Variants in PMS2 observed in about 807,000 individuals in gnomAD.
PMS2 encodes mismatch repair endonuclease PMS2.
PMS2 carries 69 observed loss-of-function variants against 90.0 expected under a neutral mutation model. That is an observed-to-expected ratio of 0.77 (90% CI 0.63 to 0.94). The LOEUF (loss-of-function observed/expected upper bound fraction) is 0.94. Ranked by LOEUF, PMS2 falls within the 40% of genes least tolerant of loss-of-function variation. The pLI, the probability that PMS2 is intolerant of heterozygous loss-of-function variation, is 0.00. For missense variants in PMS2, 966 were observed against 1,040.2 expected (o/e 0.93, Z 0.98); for synonymous variants, 332 against 375.1 (o/e 0.89, Z 1.33).
rs786201047 is a variant in PMS2 at position 5,995,628 on chromosome 7, G to C, written c.809C>G (p.Ser270Ter). ...ATGCGTGCATTGTGAAATGAAACCT[G>C]AGATGCTATTCAACATTAATATGGT... ...SDALHNLFYI[S>*]GFISQCTHGV... is the part of the protein sequence containing the mutation. Residue 270 changes from serine (S) to a stop codon, truncating the protein, a stop_gained, in exon 8 of 15, where the codon TCA becomes TGA. Transcript: ENST00000265849. LOFTEE classifies it high-confidence loss of function. 1.4e-5 allele frequency: 22 copies of C among 1,606,082 alleles called. No individual in the cohort carries two copies. Among genetic ancestry groups the C allele is most frequent in the Non-Finnish European group, 1.8e-5 (21 of 1,172,760 alleles).
chr7:5,986,237 G>A (rs1218702179), intron 11 of PMS2, among the ~76,000 whole-genome samples: 15 of 149,812 alleles, frequency 1.0e-4, no homozygotes, highest in South Asian at 4.2e-4. Context: ...GCGCACTACC[G>A]CGCCCAGCCA....
intron 9 of PMS2, 48 bp downstream of exon 9, chr7:5,991,925 C>G: frequency 1.1e-6 from 1 of 870,434 alleles, no homozygotes. Flanking sequence ...TCATTTTATT[C>G]TTTGAGGCAT....
At position 5,987,203 on chromosome 7, in the gene PMS2, G is replaced by C. The variant is rs2128727952; in HGVS notation, c.1562C>G (p.Ala521Gly). Residue 521 changes from alanine to glycine, a missense_variant, in exon 11 of 15, where the codon GCC becomes GGC. Ala to Gly is a moderately conservative substitution (Grantham distance 60). Around this residue, in one of 2 missense-constraint regions of PMS2, gnomAD observed 871 missense variants for 802.4 expected, o/e 1.09. Transcript: ENST00000265849. Reference protein sequence around the residue: ...TGSHCSSEYAASSPGDRGSQE... With the variant: ...TGSHCSSEYAGSSPGDRGSQE... ...CGAGCCCCTGTCCCCTGGGGAGCTG[G>C]CCGCATACTCGCTGCTGCAGTGACT... 1 of 1,614,072 alleles carries C rather than the reference G, an allele frequency of 6.2e-7. No individual in the cohort carries two copies. The highest frequency in any genetic ancestry group is 2.2e-5 in the East Asian group (1 of 44,878).
chr7:5,987,466 C>T lies in PMS2; in HGVS notation c.1299G>A (p.Lys433=), dbSNP rs760727820. ...AFSLRHTTEN[K]PHSPKTPEPR... is the part of the protein sequence containing the mutation. Reference sequence around the variant, plus strand: ...GTTCTGGAGTCTTTGGGCTGTGAGGCTTGTTCTCTGTTGTGTGACGAAGAG... The same window carrying T: ...GTTCTGGAGTCTTTGGGCTGTGAGGTTTGTTCTCTGTTGTGTGACGAAGAG... Residue 433 remains lysine (K), a synonymous_variant, in exon 11 of 15, where the codon AAG becomes AAA. Coordinates refer to ENST00000265849, the MANE Select transcript of PMS2 (RefSeq NM_000535.7). 2.5e-6 allele frequency: 4 copies of T among 1,614,134 alleles called. No homozygotes were observed. In the South Asian group the frequency reaches 3.3e-5, roughly 13 times the overall value.
chr7:5,998,520 C>A (rs572090086), intron 6 of PMS2, among the ~76,000 whole-genome samples: 5 of 148,982 alleles, frequency 3.4e-5, no homozygotes, highest in Admixed American at 6.7e-5. Flanking sequence ...AGATGAAACC[C>A]CATCTCTACT....
At chr7:6,004,217 C>G in intron 2 of PMS2, 159 bp from the exon 3 acceptor site, 1 of 587,340 alleles carries the variant, frequency 1.7e-6, no homozygotes. Flanking sequence ...TTATAAAGTC[C>G]TTTCTGGCTA....
chr7:6,003,982 G>A lies in PMS2; in HGVS notation c.240C>T (p.Phe80=), dbSNP rs143162541. 1.0e-4 allele frequency: 160 copies of A among 1,595,130 alleles called. No individual in the cohort carries two copies. Among genetic ancestry groups the A allele is most frequent in the Non-Finnish European group, 1.2e-4 (145 of 1,164,786 alleles). ...AAAAAGTCAACTTACTTAAGCCTTC[G>A]AAGTTTTCTTCTTCTACCCCACATC... ...DNGCGVEEEN[F]EGLTLKHHTS... The change falls in exon 3 of 15, where the codon TTC becomes TTT. Residue 80 remains phenylalanine (F), a synonymous_variant. Transcript: ENST00000265849.
intron 8 of PMS2, 117 bp from the exon 9 acceptor site, chr7:5,992,174 T>G (rs1239605257): frequency 1.4e-5 from 3 of 209,092 alleles, no homozygotes; most frequent in Non-Finnish European, 9.6e-6. Context: ...TACTTTTTTG[T>G]TTTTTTTTTT....
chr7:5,988,886 C>T (rs1160565206), intron 10 of PMS2, among the ~76,000 whole-genome samples: 1 of 152,012 alleles, frequency 6.6e-6, no homozygotes, highest in Non-Finnish European at 1.5e-5. Flanking sequence ...GACGGAGTCT[C>T]GCTTTGTCAC....
intron 8 of PMS2, among the ~76,000 whole-genome samples, chr7:5,994,515 T>C (rs1366423919): frequency 6.6e-6 from 1 of 152,136 alleles, no homozygotes; most frequent in Non-Finnish European, 1.5e-5. Flanking sequence ...GGCTCACACC[T>C]GTAATTCCAG....
At chr7:5,985,264 A>ATTT (rs142453627) in intron 11 of PMS2, among the ~76,000 whole-genome samples, 11 of 116,792 alleles carry the variant, frequency 9.4e-5, no homozygotes, top group African/African-American at 2.7e-4. Context: ...TACTTAGCTA[A>ATTT]TTTTTTTTTT....
chr7:5,997,234 C>T (rs1009727505), intron 7 of PMS2, 92 bp downstream of exon 7: 25 of 713,992 alleles, frequency 3.5e-5, no homozygotes, highest in Admixed American at 1.8e-4. Flanking sequence ...AAAAAAGACA[C>T]GAAACTATTA....
chr7:6,002,087 T>C (rs1785147621), intron 5 of PMS2: 1 of 246,872 alleles, frequency 4.1e-6, no homozygotes, highest in African/African-American at 2.3e-5. Flanking sequence ...TTAAGTGCAG[T>C]GGCGCAATCA....
chr7:6,007,484 A>T (rs970135953), intron 1 of PMS2, among the ~76,000 whole-genome samples: 8 of 152,202 alleles, frequency 5.3e-5, no homozygotes, highest in African/African-American at 1.9e-4. Flanking sequence ...GTGTATAAGC[A>T]GGTCTCTGTC....
intron 12 of PMS2, among the ~76,000 whole-genome samples, chr7:5,979,201 C>CAAAAA (rs60152367): frequency 1.4e-4 from 7 of 49,350 alleles, no homozygotes; most frequent in East Asian, 1.4e-3. Context: ...GACTCTGTCT[C>CAAAAA]AAAAAAAAAA....
intron 8 of PMS2, 126 bp downstream of exon 8, chr7:5,995,408 A>G (rs1784273251): frequency 1.4e-6 from 1 of 704,160 alleles, no homozygotes; most frequent in Non-Finnish European, 2.6e-6. Flanking sequence ...GCACAAAATA[A>G]GATAATGTTA....
intron 9 of PMS2, among the ~76,000 whole-genome samples, chr7:5,990,327 G>T (rs1783600217): frequency 6.6e-6 from 1 of 152,240 alleles, no homozygotes; most frequent in Admixed American, 6.5e-5. Flanking sequence ...TTTAACAATA[G>T]AAATTTCCCC....
chr7:6,002,720 C>G (rs1440061648), intron 4 of PMS2, 84 bp from the exon 5 acceptor site: 1 of 1,103,456 alleles, frequency 9.1e-7, no homozygotes, highest in African/African-American at 1.5e-5. Flanking sequence ...ACTTGCTTTT[C>G]TCTCAAAATT....
rs1781433866 is a variant in PMS2 at position 5,972,904 on chromosome 7, C to T, written c.*495G>A. Among the ~76,000 whole-genome samples, 1 of 63,666 alleles carries T rather than the reference C, an allele frequency of 1.6e-5. No individual in the cohort carries two copies. The highest frequency in any genetic ancestry group is 3.0e-5 in the Non-Finnish European group (1 of 33,680). The allele number at this position is 63,666 out of a possible 152,430, so 41.8% of individuals were successfully genotyped here. On this transcript the variant is annotated 3_prime_UTR_variant, in exon 15 of 15. Coordinates refer to ENST00000265849, the MANE Select transcript of PMS2 (RefSeq NM_000535.7). Reference sequence around the variant, plus strand: ...TCTCACCCAGGCTGGAGCGCAGTGGCGCAATCTCGGTTCACTGCAACCTCC... The same window carrying T: ...TCTCACCCAGGCTGGAGCGCAGTGGTGCAATCTCGGTTCACTGCAACCTCC...
Sources: allele counts gnomAD v4.1 joint callset (sites outside exome capture counted in the v4.1 genomes callset), GRCh38; gene constraint gnomAD v4.1.1; regional missense constraint gnomAD v4.1.1; transcripts MANE v1.5; gene names NCBI Gene and HGNC (gene_info 2026-07-23, HGNC 2026-07-21).